The following LCOR variants were observed in gnomAD, a reference collection of about 807,000 sequenced individuals.
LCOR encodes the protein ligand dependent nuclear receptor corepressor.
A neutral mutation model predicts 64.4 loss-of-function variants in LCOR; 14 were observed. The ratio of observed to expected loss-of-function variants is 0.22; its 90% CI spans 0.14 to 0.34. LCOR has a LOEUF of 0.34. Among genes scored for constraint, LCOR ranks in the 10% least tolerant of loss-of-function variants. The probability of loss-of-function intolerance (pLI) is 1.00; values close to 1 mark genes in which losing one functional copy is unlikely to be tolerated. For missense variants in LCOR, 1,686 were observed against 1,765.3 expected (o/e 0.96, Z 0.80); for synonymous variants, 643 against 642.5 (o/e 1.00, Z -0.01).
intron 2 of LCOR, among the ~76,000 whole-genome samples, chr10:96,901,699 G>A (rs1454160127): frequency 6.6e-6 from 1 of 152,042 alleles, no homozygotes; most frequent in Non-Finnish European, 1.5e-5. Flanking sequence ...CATTATGTAT[G>A]TGTCTTTGAC....
At chr10:96,956,947 A>C in intron 7 of LCOR, 1 of 985,060 alleles carries the variant, frequency 1.0e-6, no homozygotes, top group Non-Finnish European at 1.2e-6. Flanking sequence ...TAATTATGAT[A>C]TTGCAAAAGT....
intron 4 of LCOR, among the ~76,000 whole-genome samples, chr10:96,931,410 A>T (rs1358152644): frequency 1.3e-5 from 2 of 151,352 alleles, no homozygotes; most frequent in African/African-American, 4.9e-5. Context: ...GTTTTTTTGT[A>T]TTTTTGGTAG....
At chr10:96,840,868 T>C (rs1295287499) in intron 2 of LCOR, among the ~76,000 whole-genome samples, 1 of 152,270 alleles carries the variant, frequency 6.6e-6, no homozygotes, top group East Asian at 1.9e-4. Context: ...ACAGGCCAGG[T>C]GGCTCACGCC....
chr10:96,914,820 T>A (rs113567276), intron 4 of LCOR, among the ~76,000 whole-genome samples: 28,966 of 152,176 alleles, frequency 0.19, 4,667 homozygotes, highest in African/African-American at 0.44. Context: ...GAAGATCCAC[T>A]ATCTAGAAAT....
chr10:96,942,935 T>G (rs1453693778), intron 4 of LCOR, among the ~76,000 whole-genome samples: 1 of 152,230 alleles, frequency 6.6e-6, no homozygotes, highest in Non-Finnish European at 1.5e-5. Flanking sequence ...TTCTTAAAAA[T>G]ACTTTTATTT....
chr10:96,918,314 A>C (rs1234254106), intron 4 of LCOR, among the ~76,000 whole-genome samples: 1 of 152,122 alleles, frequency 6.6e-6, no homozygotes, highest in African/African-American at 2.4e-5. Context: ...CCCAGAATGG[A>C]CCTCAGATGG....
intron 2 of LCOR, among the ~76,000 whole-genome samples, chr10:96,866,741 A>G (rs1845980882): frequency 6.6e-6 from 1 of 151,710 alleles, no homozygotes; most frequent in Admixed American, 6.6e-5. Flanking sequence ...CACCCAGCTA[A>G]TTATTTGTAT....
At chr10:96,888,501 A>G (rs560233619) in intron 2 of LCOR, among the ~76,000 whole-genome samples, 2 of 151,802 alleles carry the variant, frequency 1.3e-5, no homozygotes, top group South Asian at 4.1e-4. Flanking sequence ...TTCTGATAGG[A>G]TCAGTAGTGA....
intron 4 of LCOR, among the ~76,000 whole-genome samples, chr10:96,940,194 A>G (rs1847425823): frequency 6.6e-6 from 1 of 152,066 alleles, no homozygotes; most frequent in Non-Finnish European, 1.5e-5. Context: ...GGGAATATAA[A>G]TGGTGTAGCT....
At chr10:96,976,342 C>T (rs894692851) in intron 7 of LCOR, among the ~76,000 whole-genome samples, 4 of 152,268 alleles carry the variant, frequency 2.6e-5, no homozygotes, top group Non-Finnish European at 5.9e-5. Context: ...TCTGATGCTA[C>T]TGTTTTTTAG....
chr10:96,875,384 A>AT (rs1846146677), intron 2 of LCOR, among the ~76,000 whole-genome samples: 1 of 152,004 alleles, frequency 6.6e-6, no homozygotes. Flanking sequence ...AATAAAAAAA[A>AT]AAATAATAAT....
intron 7 of LCOR, among the ~76,000 whole-genome samples, chr10:96,970,522 T>C (rs944835114): frequency 6.6e-6 from 1 of 152,068 alleles, no homozygotes; most frequent in African/African-American, 2.4e-5. Context: ...TTGGATTTCT[T>C]CTCTACCTAC....
chr10:96,855,465 G>A (rs910410675), intron 2 of LCOR, among the ~76,000 whole-genome samples: 27 of 151,534 alleles, frequency 1.8e-4, no homozygotes, highest in African/African-American at 5.1e-4. Flanking sequence ...ATGGAGTTTC[G>A]CTCTTGTTGC....
In LCOR at chr10:96,925,164, G is replaced by T. The variant is rs573735846; in HGVS notation, c.-184+17417G>T. On this transcript the variant is annotated intron_variant, in intron 4 of 7. Coordinates refer to ENST00000421806, the MANE Select transcript of LCOR (RefSeq NM_001346516.2). The stretch of plus-strand genomic sequence containing the variant: ...AATCTGGGCTCACAGCAACCTCCGC[G>T]TCCCGGGTTCAAGTGGTTCTCCTGC... Among the ~76,000 whole-genome samples, 5 of 151,936 alleles carry T rather than the reference G, an allele frequency of 3.3e-5. No individual in the cohort carries two copies. In the South Asian group the frequency reaches 1.0e-3, roughly 32 times the overall value.
At chr10:96,956,748 C>T in intron 7 of LCOR, 1 of 985,498 alleles carries the variant, frequency 1.0e-6, no homozygotes, top group Non-Finnish European at 1.2e-6. Flanking sequence ...CGTATTTACT[C>T]AGGAGCAGTC....
chr10:96,928,087 G>A (rs1847198706), intron 4 of LCOR, among the ~76,000 whole-genome samples: 1 of 152,192 alleles, frequency 6.6e-6, no homozygotes, highest in Non-Finnish European at 1.5e-5. Context: ...AACTGATCAA[G>A]TTGGTGGTTG....
intron 2 of LCOR, among the ~76,000 whole-genome samples, chr10:96,904,816 A>G (rs1232093370): frequency 1.3e-5 from 2 of 152,214 alleles, no homozygotes; most frequent in Non-Finnish European, 2.9e-5. Context: ...AATGTCAAGC[A>G]TAGCACGTCA....
intron 4 of LCOR, among the ~76,000 whole-genome samples, chr10:96,922,619 A>G (rs923019059): frequency 1.6e-4 from 25 of 152,196 alleles, no homozygotes; most frequent in African/African-American, 5.8e-4. Context: ...GAGTAGTATA[A>G]ACTTTGAATT....
intron 7 of LCOR, among the ~76,000 whole-genome samples, chr10:96,964,679 C>T (rs979902630): frequency 7.2e-5 from 11 of 151,918 alleles, no homozygotes; most frequent in East Asian, 1.9e-4. Context: ...GATACCTCGG[C>T]GCTCAGATTA....
Sources: gnomAD v4.1 joint callset for allele counts (sites outside exome capture counted in the v4.1 genomes callset) on GRCh38, gnomAD v4.1.1 for gene constraint, MANE v1.5 for transcripts, NCBI Gene and HGNC (gene_info 2026-07-23, HGNC 2026-07-21) for gene names.